Variants in CEP72 observed in about 807,000 individuals in gnomAD.
The protein encoded by CEP72 is centrosomal protein of 72 kDa.
A neutral mutation model predicts 65.7 loss-of-function variants in CEP72; 78 were observed. The ratio of observed to expected loss-of-function variants is 1.19; its 90% CI spans 0.99 to 1.43. CEP72 has a LOEUF of 1.43. Ranked by LOEUF, CEP72 falls within the 40% of genes most tolerant of loss-of-function variation. CEP72 has a pLI of 0.00. For missense variants in CEP72, 914 were observed against 832.9 expected (o/e 1.10, Z -1.20); for synonymous variants, 358 against 351.7 (o/e 1.02, Z -0.20).
chr5:633,691 T>G, intron 4 of CEP72, 78 bp from the exon 5 acceptor site: 7 of 1,411,912 alleles, frequency 5.0e-6, no homozygotes, highest in Non-Finnish European at 5.9e-6. Context: ...CGTGCAGGAA[T>G]TTTCCTTCTC....
At chr5:614,580 C>G (rs1043460550) in intron 1 of CEP72, among the ~76,000 whole-genome samples, 23 of 151,574 alleles carry the variant, frequency 1.5e-4, no homozygotes, top group African/African-American at 5.3e-4. Context: ...TCCCGAGTAG[C>G]TGGAACTCCT....
intron 3 of CEP72, 140 bp downstream of exon 3, chr5:620,401 C>T (rs1736313460): frequency 1.4e-6 from 1 of 713,928 alleles, no homozygotes; most frequent in Non-Finnish European, 2.3e-6. Flanking sequence ...ACGCTGGTGG[C>T]TTGAGTTCCT....
chr5:665,193 G>GCCTTGC (rs745553507), exon 3 of CEP72: 41 of 1,613,696 alleles, frequency 2.5e-5, no homozygotes, highest in South Asian at 3.3e-5. Context: ...CACGCGGCCA[G>GCCTTGC]CCTTGCCCTT....
chr5:651,497 C>T (rs1195833517), intron 11 of CEP72, among the ~76,000 whole-genome samples: 1 of 151,878 alleles, frequency 6.6e-6, no homozygotes, highest in Non-Finnish European at 1.5e-5. Flanking sequence ...TTCCCCTGGG[C>T]GGTAGTCCGG....
rs1175758647 is a variant in CEP72 at position 628,380 on chromosome 5, CCCCCTTCTTT to C, written c.512+3802_512+3811del. ...GGGAGGTCCTGGCCCCAGGACCCAG[CCCCCTTCTTT>C]GTGCAGCTTCTGGAGAACTCAGGTC... On this transcript the variant is annotated intron_variant, in intron 4 of 11. Coordinates refer to ENST00000264935, the MANE Select transcript of CEP72 (RefSeq NM_018140.4). 5.7e-4 allele frequency among the ~76,000 whole-genome samples: 87 copies of C among 152,000 alleles called. 1 individual carries two copies. The highest frequency in any genetic ancestry group is 2.0e-3 in the African/African-American group (83 of 41,258).
At chr5:670,225 G>A (rs544280385), downstream of CEP72, among the ~76,000 whole-genome samples, 29 of 152,272 alleles carry the variant, frequency 1.9e-4, no homozygotes, top group South Asian at 4.1e-4. Flanking sequence ...CGCTGGGCTC[G>A]GGACTGTGCA....
In CEP72 at chr5:638,982, C is replaced by A. The variant is rs1737812833; in HGVS notation, c.1207-107C>A. On this transcript the variant is annotated intron_variant, in intron 7 of 11. Coordinates refer to ENST00000264935, the MANE Select transcript of CEP72 (RefSeq NM_018140.4). ...AGGGCTGGGGCCTCAGGGCACCTGT[C>A]CTCCCCTTCGTGGTGCGAGGGCATC... 3 of 1,433,464 alleles carry A rather than the reference C, an allele frequency of 2.1e-6. No individual in the cohort carries two copies. In the Admixed American group the frequency reaches 5.2e-5, roughly 25 times the overall value. The allele number at this position is 1,433,464 out of a possible 1,614,324, so 88.8% of individuals were successfully genotyped here. A position where few individuals can be genotyped will look rare whatever the true frequency, so the allele number is the denominator to read the frequency against.
At chr5:671,770 G>A (rs1183584526), downstream of CEP72, among the ~76,000 whole-genome samples, 1 of 152,236 alleles carries the variant, frequency 6.6e-6, no homozygotes, top group Non-Finnish European at 1.5e-5. Flanking sequence ...GCCACTAGAG[G>A]CTCCCCAAAG....
exon 3 of CEP72, chr5:665,241 C>G (rs1561079576): frequency 1.2e-6 from 2 of 1,613,816 alleles, no homozygotes; most frequent in South Asian, 1.1e-5. Context: ...CTTGTGGGAG[C>G]CCGTGAACTT....
downstream of CEP72, among the ~76,000 whole-genome samples, chr5:658,431 G>C (rs1016269488): frequency 3.9e-5 from 6 of 152,162 alleles, no homozygotes; most frequent in Non-Finnish European, 8.8e-5. Flanking sequence ...CTGCCTCCCG[G>C]GGACTCAGCC....
At chr5:615,533 G>A (rs942322309) in intron 1 of CEP72, among the ~76,000 whole-genome samples, 3 of 152,116 alleles carry the variant, frequency 2.0e-5, no homozygotes, top group Non-Finnish European at 2.9e-5. Flanking sequence ...TTTGCATGGC[G>A]TATCTTTTCC....
downstream of CEP72, among the ~76,000 whole-genome samples, chr5:655,265 A>G (rs1175278209): frequency 6.6e-6 from 1 of 152,026 alleles, no homozygotes. This position sits in a 1 kb window ranked among gnomAD's most constrained non-coding sequence, Gnocchi z 5.0. Flanking sequence ...GGGCTGAGGC[A>G]GGAGAATCGT....
intron 4 of CEP72, among the ~76,000 whole-genome samples, chr5:628,315 T>C (rs777127722): frequency 2.6e-5 from 4 of 152,138 alleles, no homozygotes; most frequent in Admixed American, 6.5e-5. Flanking sequence ...ACAGAGGAGG[T>C]GGGGGACGCC....
the CEP72 span, among the ~76,000 whole-genome samples, chr5:672,551 C>A: frequency 6.6e-6 from 1 of 152,378 alleles, no homozygotes; most frequent in East Asian, 1.9e-4. Context: ...CCATAGGGGG[C>A]CAGTGAGCAA....
At chr5:633,130 G>C (rs1414894055) in intron 4 of CEP72, among the ~76,000 whole-genome samples, 5 of 82,716 alleles carry the variant, frequency 6.0e-5, no homozygotes, top group Non-Finnish European at 1.1e-4. Context: ...ATTTAGACCA[G>C]TCCTGGTGGG....
In CEP72 at chr5:623,190, G is replaced by A. The variant is rs763438021; in HGVS notation, c.404-1281G>A. Among the ~76,000 whole-genome samples the A allele has an allele frequency of 5.9e-5, 9 of 152,136 alleles. No individual in the cohort carries two copies. The highest frequency in any genetic ancestry group is 1.3e-4 in the Admixed American group (2 of 15,272). On this transcript the variant is annotated intron_variant, in intron 3 of 11. Transcript: ENST00000264935. The surrounding 1 kb of genome is among the most constrained non-coding windows in gnomAD (Gnocchi z 5.3). ...GTTTCTGCAGAGAAGGAGCGCGACC[G>A]TCTCCCCTCTTAGTGTTTCTACAGA... is the stretch of plus-strand genomic sequence containing the variant.
chr5:614,210 T>G (rs1011983751), intron 1 of CEP72, among the ~76,000 whole-genome samples: 3 of 152,228 alleles, frequency 2.0e-5, no homozygotes, highest in African/African-American at 4.8e-5. Context: ...TGCTTTTTTT[T>G]ATTTCCTTCT....
chr5:623,929 A>G lies in CEP72; in HGVS notation c.404-542A>G, dbSNP rs1458194992. On this transcript the variant is annotated intron_variant, in intron 3 of 11. Coordinates refer to ENST00000264935, the MANE Select transcript of CEP72 (RefSeq NM_018140.4). The surrounding 1 kb of genome is among the most constrained non-coding windows in gnomAD (Gnocchi z 5.3). Reference sequence around the variant, plus strand: ...GAATTCACATTACAAATGGGGGTTAAGATGTGTTGTAAGTTCCAAAGCGCC... The same window carrying G: ...GAATTCACATTACAAATGGGGGTTAGGATGTGTTGTAAGTTCCAAAGCGCC... Among the ~76,000 whole-genome samples the G allele has an allele frequency of 6.6e-6, 1 of 152,144 alleles. No homozygotes were observed. Among genetic ancestry groups the G allele is most frequent in the Non-Finnish European group, 1.5e-5 (1 of 68,026 alleles).
the CEP72 span, among the ~76,000 whole-genome samples, chr5:675,121 A>AGTGTGGCCAGGGATG: frequency 4.0e-5 from 1 of 24,802 alleles, no homozygotes; most frequent in African/African-American, 1.9e-4. Context: ...CACGGGGGGT[A>AGTGTGGCCAGGGATG]CAGTGTGGCC....
Sources: allele counts gnomAD v4.1 joint callset (sites outside exome capture counted in the v4.1 genomes callset), GRCh38; gene constraint gnomAD v4.1.1; non-coding constraint Gnocchi (gnomAD v3.1); transcripts MANE v1.5; gene names NCBI Gene and HGNC (gene_info 2026-07-23, HGNC 2026-07-21).